Variants in SLC25A25 observed in about 807,000 individuals in gnomAD.
The protein encoded by SLC25A25 is solute carrier family 25 member 25.
SLC25A25 carries 32 observed loss-of-function variants against 57.7 expected under a neutral mutation model. That is an observed-to-expected ratio of 0.55 (90% CI 0.42 to 0.74). SLC25A25 has a LOEUF of 0.74. SLC25A25 is among the 30% of genes least tolerant of loss of function. SLC25A25 has a pLI of 0.00. For missense variants in SLC25A25, 556 were observed against 701.3 expected, an observed-to-expected ratio of 0.79 and a Z score of 2.34; for synonymous variants, 306 against 291.2, an observed-to-expected ratio of 1.05 and a Z score of -0.52.
intron 1 of SLC25A25, among the ~76,000 whole-genome samples, chr9:128,085,056 A>G (rs535034968): frequency 1.3e-5 from 2 of 152,316 alleles, no homozygotes; most frequent in South Asian, 4.1e-4. Context: ...TGGGCCGGGC[A>G]GAGTGGCTCA....
At chr9:128,104,561 C>T (rs928824612) in intron 6 of SLC25A25, among the ~76,000 whole-genome samples, 1 of 152,238 alleles carries the variant, frequency 6.6e-6, no homozygotes, top group Admixed American at 6.5e-5. Flanking sequence ...CTTTCCCTCC[C>T]AGGACTTCCC....
rs577175137 is a variant in SLC25A25 at position 128,107,452 on chromosome 9, A to C, written c.*8A>C. On this transcript the variant is annotated 3_prime_UTR_variant, in exon 11 of 11. Coordinates refer to ENST00000373069, the MANE Select transcript of SLC25A25 (RefSeq NM_001330988.2). ...GGCGTGCAGTCGCGGTGACGGGGGG[A>C]GGGCCGCCCGGCAGTGGACTCGCTG... 1.3e-6 allele frequency: 2 copies of C among 1,503,464 alleles called. No individual in the cohort carries two copies. Among genetic ancestry groups the C allele is most frequent in the South Asian group, 2.7e-5 (2 of 73,292 alleles). 93.1% of individuals were successfully genotyped at this position (1,503,464 alleles called of 1,614,324 possible).
intron 1 of SLC25A25, among the ~76,000 whole-genome samples, chr9:128,071,284 T>C (rs952204107): frequency 3.3e-5 from 5 of 152,214 alleles, no homozygotes; most frequent in African/African-American, 9.6e-5. Flanking sequence ...CCTAGCCCCT[T>C]GGGGTCACTT....
intron 1 of SLC25A25, among the ~76,000 whole-genome samples, chr9:128,079,239 C>T (rs973638236): frequency 4.6e-5 from 7 of 151,906 alleles, no homozygotes; most frequent in East Asian, 1.9e-4. Context: ...CTGTTCCTGC[C>T]GGTGCCTGAA....
intron 1 of SLC25A25, among the ~76,000 whole-genome samples, chr9:128,089,756 T>A (rs567505906): frequency 6.6e-6 from 1 of 151,342 alleles, no homozygotes; most frequent in African/African-American, 2.4e-5. Context: ...CCTCTCAGCC[T>A]CCTGAGTAGC....
At chr9:128,082,284 G>T (rs1291855077) in intron 1 of SLC25A25, among the ~76,000 whole-genome samples, 2 of 151,946 alleles carry the variant, frequency 1.3e-5, no homozygotes, top group Admixed American at 6.6e-5. Flanking sequence ...TTTCATTATT[G>T]CAGTTCTGTC....
chr9:128,083,236 A>AT (rs780076150), intron 1 of SLC25A25, among the ~76,000 whole-genome samples: 17 of 142,562 alleles, frequency 1.2e-4, no homozygotes, highest in African/African-American at 2.8e-4. Context: ...TCAAAAAAAA[A>AT]AAATAAATAA....
Position 128,068,339 on chromosome 9 carries a change from G to A in SLC25A25, c.20G>A (p.Cys7Tyr). MVSSVL[C>Y]RCVASPPPDA... Reference sequence around the variant, plus strand: ...CGCCCGATGGTGAGCAGTGTGTTGTGCCGCTGTGTGGCCTCCCCGCCGCCG... The same window carrying A: ...CGCCCGATGGTGAGCAGTGTGTTGTACCGCTGTGTGGCCTCCCCGCCGCCG... The change falls in exon 1 of 11, where the codon TGC becomes TAC. Residue 7 changes from cysteine to tyrosine, a missense_variant. By Grantham distance (194) the Cys-to-Tyr change is radical. This residue lies in a region of SLC25A25 where 248 missense variants were observed against 273.5 expected (regional missense o/e 0.91). Coordinates refer to ENST00000373069, the MANE Select transcript of SLC25A25 (RefSeq NM_001330988.2). 6.5e-7 allele frequency: 1 copy of A among 1,530,440 alleles called. No individual in the cohort carries two copies. The highest frequency in any genetic ancestry group is 8.7e-7 in the Non-Finnish European group (1 of 1,145,896). 94.8% of individuals were successfully genotyped at this position (1,530,440 alleles called of 1,614,324 possible).
chr9:128,092,464 G>A lies in SLC25A25; in HGVS notation c.262-8632G>A, dbSNP rs141232181. ...CTAAAGGGGCGAGAGAGTGTGCCTC[G>A]ACCGTGGAACCCAGTTGCTTGGAGC... On this transcript the variant is annotated intron_variant, in intron 1 of 10. Transcript: ENST00000373069. Among the ~76,000 whole-genome samples, 3 of 151,934 alleles carry A rather than the reference G, an allele frequency of 2.0e-5. No individual in the cohort carries two copies. The East Asian group carries it at 5.8e-4, about 30-fold the overall frequency.
intron 1 of SLC25A25, among the ~76,000 whole-genome samples, chr9:128,073,786 G>A (rs1316578723): frequency 6.6e-6 from 1 of 151,568 alleles, no homozygotes; most frequent in Non-Finnish European, 1.5e-5. Flanking sequence ...CCAGGCTGGA[G>A]TGCAGTGGCG....
At chr9:128,086,799 T>C (rs1564183138) in intron 1 of SLC25A25, among the ~76,000 whole-genome samples, 1 of 152,040 alleles carries the variant, frequency 6.6e-6, no homozygotes, top group Non-Finnish European at 1.5e-5. Context: ...TTAAACAGTA[T>C]ACTTTGATTT....
Position 128,103,978 on chromosome 9 carries a change from T to C in SLC25A25, c.783+139T>C. 1 of 879,508 alleles carries C rather than the reference T, an allele frequency of 1.1e-6. No homozygotes were observed. Among genetic ancestry groups the C allele is most frequent in the East Asian group, 2.8e-5 (1 of 35,262 alleles). 54.5% of individuals were successfully genotyped at this position (879,508 alleles called of 1,614,324 possible). ...AACCCAATAAATTAGACTAGAATTA[T>C]TGCTCAGACAGGGGGTACCAAAATG... On this transcript the variant is annotated intron_variant, in intron 6 of 10. Coordinates refer to ENST00000373069, the MANE Select transcript of SLC25A25 (RefSeq NM_001330988.2). This position sits in a 1 kb window ranked among gnomAD's most constrained non-coding sequence, Gnocchi z 6.7.
chr9:128,104,710 G>A (rs1198567187), intron 6 of SLC25A25, among the ~76,000 whole-genome samples: 1 of 152,170 alleles, frequency 6.6e-6, no homozygotes, highest in South Asian at 2.1e-4. Context: ...ACCAGCATGG[G>A]TGGGGCAGCA....
At chr9:128,089,737 A>G (rs1833355945) in intron 1 of SLC25A25, among the ~76,000 whole-genome samples, 1 of 150,458 alleles carries the variant, frequency 6.6e-6, no homozygotes, top group African/African-American at 2.5e-5. Context: ...TGCTCAAGTG[A>G]TCCTCCCACC....
chr9:128,104,412 C>T (rs1000158578), intron 6 of SLC25A25, among the ~76,000 whole-genome samples: 1 of 152,216 alleles, frequency 6.6e-6, no homozygotes, highest in Non-Finnish European at 1.5e-5. Flanking sequence ...TTTCTCTCCC[C>T]AGTCTGCCTT....
At position 128,068,472 on chromosome 9, in the gene SLC25A25, G is replaced by T; in HGVS notation, c.153G>T (p.Trp51Cys). The T allele has an allele frequency of 2.6e-6, 4 of 1,549,988 alleles. No homozygotes were observed. Among genetic ancestry groups the T allele is most frequent in the Non-Finnish European group, 3.5e-6 (4 of 1,158,356 alleles). ...GCCCGGACCACCGGCTGCGCCTGTG[G>T]AGACTCTTTCAGACGCTCGACGTCA... is the stretch of plus-strand genomic sequence containing the variant. Reference protein sequence around the residue: ...CGGPDHRLRLWRLFQTLDVNR... With the variant: ...CGGPDHRLRLCRLFQTLDVNR... Residue 51 changes from tryptophan to cysteine, a missense_variant, in exon 1 of 11, where the codon TGG (tryptophan) becomes TGT (cysteine). Around this residue, in one of 3 missense-constraint regions of SLC25A25, gnomAD observed 248 missense variants for 273.5 expected, o/e 0.91. Coordinates refer to ENST00000373069, the MANE Select transcript of SLC25A25 (RefSeq NM_001330988.2).
At chr9:128,079,782 A>G (rs958681170) in intron 1 of SLC25A25, among the ~76,000 whole-genome samples, 8 of 150,450 alleles carry the variant, frequency 5.3e-5, no homozygotes, top group Non-Finnish European at 7.4e-5. Context: ...CACGAGGTCA[A>G]GAGATTGAGA....
intron 1 of SLC25A25, chr9:128,091,810 A>G (rs955768879): frequency 3.2e-6 from 5 of 1,542,724 alleles, no homozygotes; most frequent in Non-Finnish European, 4.4e-6. Context: ...GAGCGTTGGT[A>G]CTGTGGTCAC....
intron 6 of SLC25A25, among the ~76,000 whole-genome samples, chr9:128,104,123 G>C (rs1438615780): frequency 6.6e-6 from 1 of 152,202 alleles, no homozygotes; most frequent in South Asian, 2.1e-4. Flanking sequence ...ACCAATTTCT[G>C]TAAGTACGTT....
Sources: allele counts gnomAD v4.1 joint callset (sites outside exome capture counted in the v4.1 genomes callset), GRCh38; gene constraint gnomAD v4.1.1; regional missense constraint gnomAD v4.1.1; non-coding constraint Gnocchi (gnomAD v3.1); transcripts MANE v1.5; gene names NCBI Gene and HGNC (gene_info 2026-07-23, HGNC 2026-07-21).